BOD1: variants seen among roughly 807,000 people sequenced by gnomAD.
BOD1 encodes the protein biorientation of chromosomes in cell division 1, also known as biorientation of chromosomes in cell division protein 1.
In BOD1, 11 loss-of-function variants were observed where a neutral mutation model predicts 15.7. The ratio of observed to expected loss-of-function variants is 0.70; its 90% CI spans 0.44 to 1.16. The LOEUF (loss-of-function observed/expected upper bound fraction) is 1.16, where lower values mean the gene tolerates loss of function less well. Among genes scored for constraint, BOD1 ranks in the 50% most tolerant of loss-of-function variants. The pLI, the probability that BOD1 is intolerant of heterozygous loss-of-function variation, is 0.00. For synonymous variants in BOD1, 105 were observed against 103.5 expected, an observed-to-expected ratio of 1.01 and a Z score of -0.09; for missense variants, 182 against 244.5, an observed-to-expected ratio of 0.74 and a Z score of 1.70.
At chr5:173,613,085 C>T (rs200590597) in intron 2 of BOD1, 46 bp downstream of exon 2, 4 of 1,605,916 alleles carry the variant, frequency 2.5e-6, no homozygotes, top group African/African-American at 1.3e-5. Context: ...GTGCATCACA[C>T]TTGTGATGAC....
intron 3 of BOD1, among the ~76,000 whole-genome samples, chr5:173,609,031 C>T (rs1333405913): frequency 2.0e-5 from 3 of 152,170 alleles, no homozygotes; most frequent in Non-Finnish European, 2.9e-5. Flanking sequence ...ACATGTTTAG[C>T]GCTGGTGGAA....
rs1374269978 is a variant in BOD1 at position 173,616,632 on chromosome 5, T to C, written c.-196A>G. 4 of 1,317,020 alleles carry C rather than the reference T, an allele frequency of 3.0e-6. No homozygotes were observed. The highest frequency in any genetic ancestry group is 3.9e-6 in the Non-Finnish European group (4 of 1,038,058). The allele number at this position is 1,317,020 out of a possible 1,614,324, so 81.6% of individuals were successfully genotyped here. On this transcript the variant is annotated 5_prime_UTR_variant, in exon 1 of 4. Coordinates refer to ENST00000311086, the MANE Select transcript of BOD1 (RefSeq NM_138369.3). Reference sequence around the variant, plus strand: ...GCCCCCTCTGATACAGCAGAGGTTGTGGTGGACGCGGCAGAAACGGCCTGC... The same window carrying C: ...GCCCCCTCTGATACAGCAGAGGTTGCGGTGGACGCGGCAGAAACGGCCTGC...
Position 173,608,225 on chromosome 5 carries a change from T to A in BOD1, c.*69A>T. 6.3e-7 allele frequency: 1 copy of A among 1,591,306 alleles called. No homozygotes were observed. Among genetic ancestry groups the A allele is most frequent in the Non-Finnish European group, 8.6e-7 (1 of 1,159,268 alleles). Reference sequence around the variant, plus strand: ...ACCTTGGCCTATCTTCAGTCTGAAGTTGCACTCTTATGTAACCGAATCCAT... The same window carrying A: ...ACCTTGGCCTATCTTCAGTCTGAAGATGCACTCTTATGTAACCGAATCCAT... On this transcript the variant is annotated 3_prime_UTR_variant, in exon 4 of 4. Coordinates refer to ENST00000311086, the MANE Select transcript of BOD1 (RefSeq NM_138369.3).
chr5:173,608,185 T>G lies in BOD1; in HGVS notation c.*109A>C. 7.4e-7 allele frequency: 1 copy of G among 1,347,426 alleles called. No individual in the cohort carries two copies. Among genetic ancestry groups the G allele is most frequent in the Non-Finnish European group, 1.1e-6 (1 of 939,186 alleles). 83.5% of individuals were successfully genotyped at this position (1,347,426 alleles called of 1,614,324 possible). A position where few individuals can be genotyped will look rare whatever the true frequency, so the allele number is the denominator to read the frequency against. ...ACTGCCCATGGTCAAGGTTGAAATCTTGAGATCAGTGACGACCTTGGCCTA... is the reference window on the plus strand; with the variant it reads ...ACTGCCCATGGTCAAGGTTGAAATCGTGAGATCAGTGACGACCTTGGCCTA... On this transcript the variant is annotated 3_prime_UTR_variant, in exon 4 of 4. Transcript: ENST00000311086.
At chr5:173,609,628 A>G (rs1175062010) in intron 2 of BOD1, 194 bp from the exon 3 acceptor site, 4 of 575,718 alleles carry the variant, frequency 6.9e-6, no homozygotes, top group Non-Finnish European at 1.2e-5. Flanking sequence ...CTCAACCAGC[A>G]GCTGTTATTC....
chr5:173,612,117 G>A (rs1400674872), intron 2 of BOD1, among the ~76,000 whole-genome samples: 1 of 152,194 alleles, frequency 6.6e-6, no homozygotes, highest in Admixed American at 6.5e-5. Flanking sequence ...CAAGGCACTG[G>A]GCATCTTCTG....
intron 2 of BOD1, among the ~76,000 whole-genome samples, chr5:173,610,854 A>T (rs938158477): frequency 6.6e-6 from 1 of 152,166 alleles, no homozygotes; most frequent in Non-Finnish European, 1.5e-5. Context: ...GCCTCCGCGA[A>T]TGCAATTTAT....
At chr5:173,614,886 A>C (rs1379895723) in intron 1 of BOD1, 1 of 152,242 alleles carries the variant, frequency 6.6e-6, no homozygotes, top group Non-Finnish European at 1.5e-5. Flanking sequence ...AATGTCTTTG[A>C]GGGCCATTAT....
chr5:173,611,693 C>G (rs957459426), intron 2 of BOD1, among the ~76,000 whole-genome samples: 7 of 152,156 alleles, frequency 4.6e-5, no homozygotes, highest in Admixed American at 6.6e-5. Context: ...TCTGGGTGAT[C>G]AAGGGATGTT....
At chr5:173,611,594 G>A (rs1195441721) in intron 2 of BOD1, among the ~76,000 whole-genome samples, 5 of 151,970 alleles carry the variant, frequency 3.3e-5, no homozygotes, top group Admixed American at 2.6e-4. Context: ...GAAATGATTA[G>A]TATAAAAGTC....
chr5:173,609,970 TACCTGTAA>T (rs1561724429), intron 2 of BOD1, among the ~76,000 whole-genome samples: 1 of 152,246 alleles, frequency 6.6e-6, no homozygotes, highest in African/African-American at 2.4e-5. Context: ...CTGTAGTTGC[TACCTGTAA>T]CACATAATAA....
At chr5:173,610,562 C>T (rs561629277) in intron 2 of BOD1, among the ~76,000 whole-genome samples, 2 of 152,306 alleles carry the variant, frequency 1.3e-5, no homozygotes, top group South Asian at 4.1e-4. Flanking sequence ...TAGACAGTAT[C>T]GGCCCTTAGT....
chr5:173,609,295 G>T lies in BOD1; in HGVS notation c.502C>A (p.Pro168Thr), dbSNP rs773877424. 5.0e-6 allele frequency: 8 copies of T among 1,614,108 alleles called. No homozygotes were observed. Among genetic ancestry groups the T allele is most frequent in the East Asian group, 2.2e-5 (1 of 44,884 alleles). The change falls in exon 3 of 4, where the codon CCC becomes ACC. Residue 168 changes from proline (P) to threonine (T), a missense_variant. Physicochemically the swap from Pro to Thr is conservative, Grantham distance 38 (BLOSUM62 -1). Around this residue, in one of 3 missense-constraint regions of BOD1, gnomAD observed 40 missense variants for 45.3 expected, o/e 0.88. Coordinates refer to ENST00000311086, the MANE Select transcript of BOD1 (RefSeq NM_138369.3). ...TCCTGGCCTTCGGGCTCTGGAGGGG[G>T]TGCTGGCACAGCTGCTTTTTTCTGG... is the stretch of plus-strand genomic sequence containing the variant. Reference protein sequence around the residue: ...AAQKKAAVPAPPPEPEGQDPP... With the variant: ...AAQKKAAVPATPPEPEGQDPP...
At chr5:173,616,120 T>C in intron 1 of BOD1, 80 bp downstream of exon 1, 1 of 1,515,132 alleles carries the variant, frequency 6.6e-7, no homozygotes, top group Admixed American at 2.0e-5. Context: ...TGTTTTGCTC[T>C]CGGCTTTCGA....
intron 2 of BOD1, 143 bp downstream of exon 2, chr5:173,612,988 A>T: frequency 8.7e-7 from 1 of 1,146,170 alleles, no homozygotes. Flanking sequence ...CCTTAATTAT[A>T]ACAAAAGAGC....
chr5:173,614,635 G>C (rs1755443730), intron 1 of BOD1: 1 of 152,176 alleles, frequency 6.6e-6, no homozygotes, highest in African/African-American at 2.4e-5. Flanking sequence ...AGAACCACTG[G>C]GCTGAAGCAA....
chr5:173,608,711 T>C (rs941179079), intron 3 of BOD1, among the ~76,000 whole-genome samples: 7 of 152,202 alleles, frequency 4.6e-5, no homozygotes, highest in Non-Finnish European at 7.3e-5. Context: ...TAAAATTACA[T>C]TTAATTCCAA....
Position 173,614,954 on chromosome 5 carries a change from A to G in BOD1, c.237+1246T>C, listed in dbSNP as rs1405631549. 3.9e-5 allele frequency: 6 copies of G among 152,374 alleles called. No individual in the cohort carries two copies. In the East Asian group the frequency reaches 9.6e-4, roughly 24 times the overall value. 9.4% of individuals were successfully genotyped at this position (152,374 alleles called of 1,614,324 possible). A position where few individuals can be genotyped will look rare whatever the true frequency, so the allele number is the denominator to read the frequency against. On this transcript the variant is annotated intron_variant, in intron 1 of 3. Coordinates refer to ENST00000311086, the MANE Select transcript of BOD1 (RefSeq NM_138369.3). The stretch of plus-strand genomic sequence containing the variant: ...CTTCCATACCGCAACAATTGGGTAA[A>G]TGAAACCGCAGAAAGCAAAACCTTG...
chr5:173,609,475 C>A (rs755022746), intron 2 of BOD1, 41 bp from the exon 3 acceptor site: 1 of 1,279,090 alleles, frequency 7.8e-7, no homozygotes, highest in Admixed American at 2.0e-5. Context: ...TTAGTTCCTT[C>A]GGGATTCATC....
Sources: gnomAD v4.1 joint callset for allele counts (sites outside exome capture counted in the v4.1 genomes callset) on GRCh38, gnomAD v4.1.1 for gene constraint, gnomAD v4.1.1 regional missense constraint, MANE v1.5 for transcripts, NCBI Gene and HGNC (gene_info 2026-07-23, HGNC 2026-07-21) for gene names.